Variants in NT5DC4 observed in about 807,000 individuals in gnomAD.
The protein encoded by NT5DC4 is 5'-nucleotidase domain-containing protein 4.
NT5DC4 carries 44 observed loss-of-function variants against 26.6 expected under a neutral mutation model. The observed-to-expected ratio is 1.65, with a 90% CI of 1.30 to 2.13. The LOEUF is 2.13. Ranked by LOEUF, NT5DC4 falls within the 30% of genes most tolerant of loss-of-function variation. NT5DC4 has a pLI of 0.00. For missense variants in NT5DC4, 399 were observed against 228.1 expected, an observed-to-expected ratio of 1.75 and a Z score of -4.83; for synonymous variants, 157 against 86.7, an observed-to-expected ratio of 1.81 and a Z score of -4.51.
downstream of NT5DC4, chr2:112,740,828 G>C: frequency 6.2e-7 from 1 of 1,610,226 alleles, no homozygotes; most frequent in South Asian, 1.1e-5. Flanking sequence ...CTAGGGATTG[G>C]ACCAATCTGT....
chr2:112,724,943 G>A, intron 11 of NT5DC4, 37 bp downstream of exon 11: 4 of 714,076 alleles, frequency 5.6e-6, no homozygotes, highest in South Asian at 1.5e-5. Context: ...CGGTTGGGGA[G>A]GGCAGCCTGC....
chr2:112,724,363 G>T, intron 10 of NT5DC4: 2 of 593,868 alleles, frequency 3.4e-6, no homozygotes, highest in Non-Finnish European at 6.0e-6. Flanking sequence ...AGGTATGTGG[G>T]GACGGGCGGC....
intron 14 of NT5DC4, 96 bp downstream of exon 14, chr2:112,726,385 G>C (rs748853930): frequency 2.1e-5 from 15 of 704,498 alleles, no homozygotes; most frequent in Admixed American, 6.1e-5. Context: ...TCCCGGCCAA[G>C]GTTGTCAGAA....
At chr2:112,739,349 A>C (rs569286999), downstream of NT5DC4, among the ~76,000 whole-genome samples, 28 of 152,268 alleles carry the variant, frequency 1.8e-4, no homozygotes, top group African/African-American at 6.5e-4. Context: ...TGAGCCCAGA[A>C]GGTCAAGGCT....
At chr2:112,725,099 C>T in intron 11 of NT5DC4, 75 bp from the exon 12 acceptor site, 1 of 672,416 alleles carries the variant, frequency 1.5e-6, no homozygotes, top group Admixed American at 2.2e-5. Flanking sequence ...CCACTCCCAG[C>T]TCCCTGCGAC....
At chr2:112,723,361 G>GCA (rs36112869) in intron 7 of NT5DC4, 57 bp from the exon 8 acceptor site, 11,810 of 633,524 alleles carry the variant, frequency 0.019, 96 homozygotes, top group African/African-American at 0.059. Flanking sequence ...GGGTACACAT[G>GCA]CACACACACA....
intron 1 of NT5DC4, 185 bp downstream of exon 1, chr2:112,721,338 A>G (rs1471182653): frequency 4.6e-6 from 3 of 651,420 alleles, no homozygotes; most frequent in Non-Finnish European, 8.4e-6. Context: ...CTGACCACAC[A>G]CACTCCGGCG....
chr2:112,730,051 A>C (rs1257157593), intron 16 of NT5DC4, among the ~76,000 whole-genome samples: 1 of 151,982 alleles, frequency 6.6e-6, no homozygotes, highest in Admixed American at 6.5e-5. Context: ...GGTGTTTCAC[A>C]CCTGTAATCC....
chr2:112,719,982 C>CTTTT (rs1676735535), upstream of NT5DC4, among the ~76,000 whole-genome samples: 3 of 79,390 alleles, frequency 3.8e-5, no homozygotes, highest in African/African-American at 5.2e-5. Context: ...TTCTTTCTTT[C>CTTTT]TTTCTTTTTC....
chr2:112,719,847 C>CCTCT, upstream of NT5DC4, among the ~76,000 whole-genome samples: 1 of 126,990 alleles, frequency 7.9e-6, no homozygotes, highest in East Asian at 2.5e-4. Flanking sequence ...TCCTTCCCTC[C>CCTCT]CTCCCTCCCT....
At chr2:112,740,806 G>A (rs763625186), downstream of NT5DC4, 8 of 1,594,428 alleles carry the variant, frequency 5.0e-6, no homozygotes, top group Admixed American at 3.4e-5. Context: ...GTCTGCTTTA[G>A]AGTTTGCTTA....
intron 15 of NT5DC4, among the ~76,000 whole-genome samples, chr2:112,729,382 A>G (rs547864962): frequency 2.0e-5 from 3 of 152,286 alleles, no homozygotes; most frequent in African/African-American, 7.2e-5. Context: ...TCGGCCTCCC[A>G]AAGTGCTGGG....
chr2:112,725,112 T>C, intron 11 of NT5DC4, 62 bp from the exon 12 acceptor site: 1 of 685,290 alleles, frequency 1.5e-6, no homozygotes. Context: ...CCTGCGACCC[T>C]CCCTAGCTAG....
At chr2:112,736,154 CTGG>C (rs1288517496) in intron 16 of NT5DC4, among the ~76,000 whole-genome samples, 2 of 152,032 alleles carry the variant, frequency 1.3e-5, no homozygotes, top group Non-Finnish European at 2.9e-5. Flanking sequence ...TCATGAGAAC[CTGG>C]TCGACGGGCT....
At position 112,727,474 on chromosome 2, in the gene NT5DC4, TCG is replaced by T. The variant is rs1418651047; in HGVS notation, c.1266+738_1266+739del. ...GATAGTAGGAGCGAGGCTGGGGGTG[TCG>T]CCTTGCCAAGTCCTCTGTTGGACTC... is the stretch of plus-strand genomic sequence containing the variant. On this transcript the variant is annotated intron_variant, in intron 15 of 16. Coordinates refer to ENST00000688554, the MANE Select transcript of NT5DC4 (RefSeq NM_001393655.1). Among the ~76,000 whole-genome samples the T allele has an allele frequency of 3.3e-5, 5 of 152,122 alleles. No individual in the cohort carries two copies. In the South Asian group the frequency reaches 6.2e-4, roughly 19 times the overall value.
chr2:112,738,666 G>T, intron 16 of NT5DC4: 1 of 613,104 alleles, frequency 1.6e-6, no homozygotes, highest in Non-Finnish European at 2.9e-6. Context: ...CCCATGGGGA[G>T]AGAAAATTTG....
rs541693613 is a variant in NT5DC4, at chr2:112,725,055, C to G, written c.916-119C>G. ...GGCCGCCTTCAGCGCCCTCTGCTGC[C>G]TCCTTCCTCCCACACCCCCCATGGT... On this transcript the variant is annotated intron_variant, in intron 11 of 16. Coordinates refer to ENST00000688554, the MANE Select transcript of NT5DC4 (RefSeq NM_001393655.1). The G allele has an allele frequency of 9.0e-5, 59 of 652,052 alleles. No individual in the cohort carries two copies. In the South Asian group the frequency reaches 9.9e-4, roughly 11 times the overall value. The allele number at this position is 652,052 out of a possible 1,614,324, so 40.4% of individuals were successfully genotyped here.
downstream of NT5DC4, chr2:112,740,675 G>A: frequency 1.6e-6 from 1 of 645,086 alleles, no homozygotes. Flanking sequence ...GGGGGTGAAT[G>A]CATTCTAATA....
At chr2:112,728,392 A>G (rs896562419) in intron 15 of NT5DC4, among the ~76,000 whole-genome samples, 2 of 152,194 alleles carry the variant, frequency 1.3e-5, no homozygotes, top group African/African-American at 4.8e-5. Flanking sequence ...GGGAGACCGG[A>G]GGATGCTTCT....
Sources: gnomAD v4.1 joint callset for allele counts (sites outside exome capture counted in the v4.1 genomes callset) on GRCh38, gnomAD v4.1.1 for gene constraint, MANE v1.5 for transcripts, NCBI Gene and HGNC (gene_info 2026-07-23, HGNC 2026-07-21) for gene names.